Variants in DDR2 observed in about 807,000 individuals in gnomAD.
The protein encoded by DDR2 is discoidin domain receptor tyrosine kinase 2.
Under a neutral mutation model 94.9 loss-of-function variants are expected in DDR2, and 27 were observed. That is an observed-to-expected ratio of 0.28 (90% CI 0.21 to 0.39). The LOEUF is 0.39. Among genes scored for constraint, DDR2 ranks in the 10% least tolerant of loss-of-function variants. The pLI, the probability that DDR2 is intolerant of heterozygous loss-of-function variation, is 1.00. For synonymous variants in DDR2, 382 were observed against 377.2 expected (o/e 1.01, Z -0.15); for missense variants, 783 against 1,076.0 (o/e 0.73, Z 3.81).
chr1:162,754,954 C>A, intron 5 of DDR2, 99 bp downstream of exon 5: 1 of 1,484,402 alleles, frequency 6.7e-7, no homozygotes, highest in Non-Finnish European at 9.3e-7. Context: ...ATATGTGTGT[C>A]CACAGACCAG....
chr1:162,669,177 A>G (rs999147106), intron 2 of DDR2, among the ~76,000 whole-genome samples: 4 of 152,200 alleles, frequency 2.6e-5, no homozygotes, highest in Admixed American at 6.5e-5. Flanking sequence ...TAAATTTTAT[A>G]TTCCTTTTGT....
chr1:162,662,369 A>G (rs1658345954), intron 2 of DDR2, among the ~76,000 whole-genome samples: 1 of 152,198 alleles, frequency 6.6e-6, no homozygotes, highest in Non-Finnish European at 1.5e-5. Flanking sequence ...TCAGCTTTCC[A>G]TCCAGGTGAC....
chr1:162,647,017 G>T (rs900748190), intron 1 of DDR2, among the ~76,000 whole-genome samples: 1 of 152,144 alleles, frequency 6.6e-6, no homozygotes, highest in Non-Finnish European at 1.5e-5. Context: ...GAATGAAGGG[G>T]CAATTGTCAA....
chr1:162,786,955 C>T lies in DDR2; in HGVS notation c.*6709C>T, dbSNP rs866613926. On this transcript the variant is annotated 3_prime_UTR_variant, in exon 18 of 18. Transcript: ENST00000367921. ...CTTTTTAAATCCAAATATAGTCTGTCTCAGACTACCTGCACATGCACAAAC... is the reference window on the plus strand; with the variant it reads ...CTTTTTAAATCCAAATATAGTCTGTTTCAGACTACCTGCACATGCACAAAC... The T allele has an allele frequency of 2.6e-5, 4 of 152,164 alleles. No individual in the cohort carries two copies. Among genetic ancestry groups the T allele is most frequent in the Admixed American group, 6.5e-5 (1 of 15,278 alleles). The allele number at this position is 152,164 out of a possible 1,614,324, so 9.4% of individuals were successfully genotyped here.
At chr1:162,691,645 TG>T (rs1659967172) in intron 2 of DDR2, among the ~76,000 whole-genome samples, 1 of 152,226 alleles carries the variant, frequency 6.6e-6, no homozygotes, top group African/African-American at 2.4e-5. Flanking sequence ...TACCCTGATT[TG>T]TACCTTTTGC....
At position 162,759,920 on chromosome 1, in the gene DDR2, A is replaced by G; in HGVS notation, c.796A>G (p.Asn266Asp). The G allele has an allele frequency of 6.2e-7, 1 of 1,614,152 alleles. No homozygotes were observed. The highest frequency in any genetic ancestry group is 8.5e-7 in the Non-Finnish European group (1 of 1,180,014). The change falls in exon 8 of 18, where the codon AAT becomes GAT. Residue 266 changes from asparagine (N) to aspartate (D), a missense_variant. Transcript: ENST00000367921. ...GGGCTGGCGGAACGAGAGTGCCACC[A>G]ATGGCTACATTGAGATCATGTTTGA... ...YVGWRNESAT[N>D]GYIEIMFEFD...
rs1368412438 is a variant in DDR2 at position 162,785,425 on chromosome 1, C to T, written c.*5179C>T. On this transcript the variant is annotated 3_prime_UTR_variant, in exon 18 of 18. Transcript: ENST00000367921. ...GAGAGGTTTTATTTGCCTAAATAGC[C>T]GTTATTAAATGGAATAACAACCACA... 2 of 152,184 alleles carry T rather than the reference C, an allele frequency of 1.3e-5. No homozygotes were observed. The highest frequency in any genetic ancestry group is 6.5e-5 in the Admixed American group (1 of 15,282). The allele number at this position is 152,184 out of a possible 1,614,324, so 9.4% of individuals were successfully genotyped here.
chr1:162,731,103 T>G (rs945700965), intron 3 of DDR2, among the ~76,000 whole-genome samples: 7 of 152,212 alleles, frequency 4.6e-5, no homozygotes, highest in Admixed American at 2.6e-4. Flanking sequence ...ATGAATTTTA[T>G]TTAGCTCTTC....
chr1:162,697,087 T>C (rs1337999439), intron 2 of DDR2, among the ~76,000 whole-genome samples: 1 of 152,196 alleles, frequency 6.6e-6, no homozygotes, highest in Non-Finnish European at 1.5e-5. Flanking sequence ...AGTCTAATCA[T>C]GATCTTACTG....
intron 7 of DDR2, among the ~76,000 whole-genome samples, chr1:162,756,987 G>A (rs1663494330): frequency 6.6e-6 from 1 of 152,180 alleles, no homozygotes; most frequent in Admixed American, 6.5e-5. Flanking sequence ...TGGAGTCATT[G>A]ATCCTACCTT....
At chr1:162,692,759 C>T (rs989235175) in intron 2 of DDR2, among the ~76,000 whole-genome samples, 1 of 152,194 alleles carries the variant, frequency 6.6e-6, no homozygotes, top group African/African-American at 2.4e-5. Context: ...GGAACATTTG[C>T]ATACTCTATG....
At chr1:162,643,935 C>T (rs571335325) in intron 1 of DDR2, among the ~76,000 whole-genome samples, 2 of 152,252 alleles carry the variant, frequency 1.3e-5, no homozygotes, top group East Asian at 3.9e-4. Context: ...GAGAGTCTGG[C>T]ACATTCAGAA....
At chr1:162,720,257 A>G (rs1661360021) in intron 3 of DDR2, among the ~76,000 whole-genome samples, 1 of 152,156 alleles carries the variant, frequency 6.6e-6, no homozygotes, top group South Asian at 2.1e-4. Context: ...ACCTGGATTA[A>G]GAAACAGAAC....
chr1:162,643,520 C>T (rs1004871825), intron 1 of DDR2, among the ~76,000 whole-genome samples: 1 of 152,048 alleles, frequency 6.6e-6, no homozygotes, highest in Non-Finnish European at 1.5e-5. Flanking sequence ...CTCGCTCTGT[C>T]ACCCAGGCTG....
At chr1:162,703,689 G>T (rs890111691) in intron 2 of DDR2, among the ~76,000 whole-genome samples, 6 of 152,150 alleles carry the variant, frequency 3.9e-5, no homozygotes, top group Non-Finnish European at 7.4e-5. Context: ...ACCTTCAAGG[G>T]CAGGCCAAGC....
chr1:162,668,316 T>A (rs940187816), intron 2 of DDR2, among the ~76,000 whole-genome samples: 1 of 152,202 alleles, frequency 6.6e-6, no homozygotes, highest in Non-Finnish European at 1.5e-5. Flanking sequence ...TTAGACACAT[T>A]AGACCTTAGC....
intron 2 of DDR2, among the ~76,000 whole-genome samples, chr1:162,671,613 AG>A (rs1167455298): frequency 2.0e-5 from 3 of 151,890 alleles, no homozygotes; most frequent in African/African-American, 4.8e-5. Context: ...TGGCCTTGTC[AG>A]GCTGCCCCTG....
Position 162,775,655 on chromosome 1 carries a change from T to A in DDR2, c.1860T>A (p.Asn620Lys), listed in dbSNP as rs2102195193. The A allele has an allele frequency of 6.2e-7, 1 of 1,614,018 alleles. No homozygotes were observed. Among genetic ancestry groups the A allele is most frequent in the South Asian group, 1.1e-5 (1 of 91,074 alleles). ...TCTATGTCTGTATCCTCCCAAGGAA[T>A]GATTTTCTTAAGGAGATAAAGATCA... ...LRADANKNAR[N>K]DFLKEIKIMS... The change falls in exon 15 of 18, where the codon AAT (asparagine) becomes AAA (lysine). Residue 620 changes from asparagine to lysine, a missense_variant. Asn to Lys is a moderately conservative substitution (Grantham distance 94). Coordinates refer to ENST00000367921, the MANE Select transcript of DDR2 (RefSeq NM_006182.4).
chr1:162,634,431 T>C (rs955708703), intron 1 of DDR2, among the ~76,000 whole-genome samples: 32 of 152,340 alleles, frequency 2.1e-4, no homozygotes, highest in African/African-American at 7.2e-4. Context: ...CTGAAGGCTA[T>C]CAAGGGCTTA....
Sources: allele counts gnomAD v4.1 joint callset (sites outside exome capture counted in the v4.1 genomes callset), GRCh38; gene constraint gnomAD v4.1.1; transcripts MANE v1.5; gene names NCBI Gene and HGNC (gene_info 2026-07-23, HGNC 2026-07-21).